ZSWIM5: variants seen among roughly 807,000 people sequenced by gnomAD.
ZSWIM5 encodes the protein zinc finger SWIM domain-containing protein 5.
In ZSWIM5, 55 loss-of-function variants were observed where a neutral mutation model predicts 119.6. The ratio of observed to expected loss-of-function variants is 0.46; its 90% CI spans 0.37 to 0.58. The LOEUF is 0.58. Among genes scored for constraint, ZSWIM5 ranks in the 20% least tolerant of loss-of-function variants. The probability of loss-of-function intolerance (pLI) is 0.00; values close to 1 mark genes in which losing one functional copy is unlikely to be tolerated. For missense variants in ZSWIM5, 1,193 were observed against 1,512.8 expected, an observed-to-expected ratio of 0.79 and a Z score of 3.51; for synonymous variants, 537 against 606.9, an observed-to-expected ratio of 0.88 and a Z score of 1.69.
At chr1:45,126,884 C>A (rs1167032892) in intron 1 of ZSWIM5, among the ~76,000 whole-genome samples, 2 of 152,148 alleles carry the variant, frequency 1.3e-5, no homozygotes, top group African/African-American at 4.8e-5. Flanking sequence ...TGTCAACTAT[C>A]CTGGAGTGCA....
At chr1:45,175,761 A>T (rs1645976487) in intron 1 of ZSWIM5, among the ~76,000 whole-genome samples, 1 of 152,034 alleles carries the variant, frequency 6.6e-6, no homozygotes, top group East Asian at 1.9e-4. Context: ...CTTTAAAAAA[A>T]AAAAACCATT....
chr1:45,200,002 A>G (rs967765484), intron 1 of ZSWIM5, among the ~76,000 whole-genome samples: 6 of 152,242 alleles, frequency 3.9e-5, no homozygotes, highest in African/African-American at 1.4e-4. Flanking sequence ...TGCTTTAAAA[A>G]TCAGAAGCAT....
At chr1:45,136,802 T>C (rs189489582) in intron 1 of ZSWIM5, among the ~76,000 whole-genome samples, 4 of 152,228 alleles carry the variant, frequency 2.6e-5, no homozygotes, top group African/African-American at 9.6e-5. Context: ...GGCTCACCCC[T>C]ACTCCTAGGG....
intron 1 of ZSWIM5, among the ~76,000 whole-genome samples, chr1:45,169,813 C>T (rs887024909): frequency 6.6e-6 from 1 of 152,040 alleles, no homozygotes; most frequent in Non-Finnish European, 1.5e-5. Flanking sequence ...AATCTGAATA[C>T]TTTCGTTAGC....
At chr1:45,028,767 T>A (rs947161984) in intron 11 of ZSWIM5, among the ~76,000 whole-genome samples, 6 of 149,644 alleles carry the variant, frequency 4.0e-5, no homozygotes, top group African/African-American at 1.5e-4. Context: ...AAAATAAAAA[T>A]AAAAAAAAAT....
At chr1:45,082,545 T>C (rs149207379) in intron 2 of ZSWIM5, among the ~76,000 whole-genome samples, 12 of 152,332 alleles carry the variant, frequency 7.9e-5, no homozygotes, top group Admixed American at 7.8e-4. Context: ...TACACTTGGA[T>C]CTTCAGTCCA....
intron 8 of ZSWIM5, among the ~76,000 whole-genome samples, chr1:45,036,842 C>T (rs922622536): frequency 1.3e-5 from 2 of 152,130 alleles, no homozygotes; most frequent in Admixed American, 6.5e-5. Flanking sequence ...GTTGCTAAGG[C>T]GGGAGTGTAG....
intron 2 of ZSWIM5, among the ~76,000 whole-genome samples, chr1:45,083,510 A>G (rs1215365980): frequency 6.6e-6 from 1 of 152,102 alleles, no homozygotes; most frequent in Non-Finnish European, 1.5e-5. Flanking sequence ...TTGACCTCCC[A>G]AAGTGTTGGG....
chr1:45,160,523 G>A (rs1290637497), intron 1 of ZSWIM5, among the ~76,000 whole-genome samples: 6 of 152,104 alleles, frequency 3.9e-5, no homozygotes, highest in Non-Finnish European at 4.4e-5. Flanking sequence ...GTGAGAACAT[G>A]TGGTATCTGT....
intron 2 of ZSWIM5, among the ~76,000 whole-genome samples, chr1:45,082,571 G>A (rs1273815757): frequency 6.6e-6 from 1 of 152,146 alleles, no homozygotes; most frequent in East Asian, 1.9e-4. Context: ...TTTTATCTCT[G>A]TGATGTCTCC....
At chr1:45,195,054 ACTT>A (rs1570208404) in intron 1 of ZSWIM5, among the ~76,000 whole-genome samples, 1 of 152,134 alleles carries the variant, frequency 6.6e-6, no homozygotes, top group Non-Finnish European at 1.5e-5. Flanking sequence ...CCCCATAGTA[ACTT>A]CTTCTATTAT....
rs1351897340 is a variant in ZSWIM5 at position 45,019,279 on chromosome 1, G to T, written c.2733C>A (p.Tyr911Ter). ...TAGCCTCAGTAGGGGTGAAGAGTGT[G>T]TACCAGCTCTGCAAGATGCTCACCA... ...RALVSILQSW[Y>*]TLFTPTEATS... The change falls in exon 14 of 14, where the codon TAC (tyrosine) becomes TAA (stop). Residue 911 changes from tyrosine to a stop codon, truncating the protein, a stop_gained. Transcript: ENST00000359600. LOFTEE classifies it high-confidence loss of function. This position sits in a 1 kb window ranked among gnomAD's most constrained non-coding sequence, Gnocchi z 5.0. 1.2e-6 allele frequency: 2 copies of T among 1,613,326 alleles called. No individual in the cohort carries two copies. Among genetic ancestry groups the T allele is most frequent in the African/African-American group, 2.7e-5 (2 of 74,900 alleles).
chr1:45,170,759 G>A (rs1329974997), intron 1 of ZSWIM5, among the ~76,000 whole-genome samples: 1 of 150,400 alleles, frequency 6.6e-6, no homozygotes, highest in Non-Finnish European at 1.5e-5. Flanking sequence ...ATTGGTTTCT[G>A]TTGAGATGGG....
chr1:45,169,122 T>G (rs1645929118), intron 1 of ZSWIM5, among the ~76,000 whole-genome samples: 1 of 151,942 alleles, frequency 6.6e-6, no homozygotes, highest in South Asian at 2.1e-4. Context: ...TTCCAACACA[T>G]CATGTTCCTT....
intron 2 of ZSWIM5, among the ~76,000 whole-genome samples, chr1:45,068,107 C>CTTTTTTTTTTTTTTTTTT (rs71040545): frequency 8.8e-6 from 1 of 113,288 alleles, no homozygotes; most frequent in Non-Finnish European, 1.7e-5. Context: ...TTTTTTTTTT[C>CTTTTTTTTTTTTTTTTTT]TTTTTTTTTT....
chr1:45,104,193 C>T (rs1443830860), intron 1 of ZSWIM5, among the ~76,000 whole-genome samples: 2 of 152,164 alleles, frequency 1.3e-5, no homozygotes, highest in Non-Finnish European at 2.9e-5. Flanking sequence ...TCTTTCTCTC[C>T]TTTTTGTCAC....
At chr1:45,086,331 C>T (rs1645329782) in intron 2 of ZSWIM5, among the ~76,000 whole-genome samples, 1 of 152,092 alleles carries the variant, frequency 6.6e-6, no homozygotes, top group South Asian at 2.1e-4. Context: ...AGCAGGGACA[C>T]AAATCCAAAC....
intron 1 of ZSWIM5, among the ~76,000 whole-genome samples, chr1:45,180,076 T>C (rs1310168699): frequency 6.6e-6 from 1 of 152,114 alleles, no homozygotes; most frequent in Non-Finnish European, 1.5e-5. Context: ...TGCCAGATAG[T>C]GGGCACAGGA....
chr1:45,197,179 A>G (rs1033193028), intron 1 of ZSWIM5, among the ~76,000 whole-genome samples: 3 of 152,182 alleles, frequency 2.0e-5, no homozygotes, highest in Non-Finnish European at 4.4e-5. Flanking sequence ...ATAAAAGCCA[A>G]ATCCCTTGTT....
Sources: gnomAD v4.1 joint callset for allele counts (sites outside exome capture counted in the v4.1 genomes callset) on GRCh38, gnomAD v4.1.1 for gene constraint, Gnocchi (gnomAD v3.1) non-coding constraint, MANE v1.5 for transcripts, NCBI Gene and HGNC (gene_info 2026-07-23, HGNC 2026-07-21) for gene names.